The following FGF7 variants were observed in gnomAD, a reference collection of about 807,000 sequenced individuals.
The protein encoded by FGF7 is FGF-7.
FGF7 carries 6 observed loss-of-function variants against 20.5 expected under a neutral mutation model. The observed-to-expected ratio is 0.29, with a 90% CI of 0.16 to 0.58. The LOEUF is 0.58. Ranked by LOEUF, FGF7 falls within the 20% of genes least tolerant of loss-of-function variation. The pLI is 0.90. For missense variants in FGF7, 144 were observed against 228.8 expected, an observed-to-expected ratio of 0.63 and a Z score of 2.39; for synonymous variants, 64 against 74.7, an observed-to-expected ratio of 0.86 and a Z score of 0.74.
intron 2 of FGF7, among the ~76,000 whole-genome samples, chr15:49,481,113 A>G (rs2055903363): frequency 6.6e-6 from 1 of 152,236 alleles, no homozygotes. Context: ...AGAGACTTGA[A>G]GGAAAAGAAA....
intron 2 of FGF7, among the ~76,000 whole-genome samples, chr15:49,446,587 G>A: frequency 6.6e-6 from 1 of 151,002 alleles, no homozygotes; most frequent in Admixed American, 6.6e-5. Flanking sequence ...TTTCATAGAG[G>A]GTAAAGAGCT....
At chr15:49,480,867 T>A (rs2055882414) in intron 2 of FGF7, among the ~76,000 whole-genome samples, 1 of 152,164 alleles carries the variant, frequency 6.6e-6, no homozygotes, top group Non-Finnish European at 1.5e-5. Flanking sequence ...AGGGGCAATA[T>A]GAACTTATTG....
intron 2 of FGF7, among the ~76,000 whole-genome samples, chr15:49,478,419 G>A (rs4436732): frequency 0.25 from 37,853 of 150,990 alleles, 5,682 homozygotes; most frequent in Non-Finnish European, 0.35. Context: ...TGTATATGTC[G>A]GTGTATTTTA....
intron 2 of FGF7, among the ~76,000 whole-genome samples, chr15:49,457,065 C>T (rs146704063): frequency 5.3e-5 from 8 of 152,166 alleles, no homozygotes; most frequent in Non-Finnish European, 1.2e-4. Context: ...TTTACTACTA[C>T]ACCACCATGC....
intron 2 of FGF7, among the ~76,000 whole-genome samples, chr15:49,457,034 T>C (rs2053362770): frequency 1.3e-5 from 2 of 152,098 alleles, no homozygotes; most frequent in African/African-American, 4.8e-5. Context: ...TTTAAAGCCA[T>C]GTCTCAAAGC....
intron 2 of FGF7, among the ~76,000 whole-genome samples, chr15:49,468,642 CT>C (rs1274543244): frequency 6.6e-6 from 1 of 152,190 alleles, no homozygotes; most frequent in East Asian, 1.9e-4. Context: ...CTGGAGGTCA[CT>C]ACCTCCACAG....
At chr15:49,436,460 CATTCTT>C (rs2051114942) in intron 2 of FGF7, among the ~76,000 whole-genome samples, 1 of 151,516 alleles carries the variant, frequency 6.6e-6, no homozygotes, top group Admixed American at 6.6e-5. Context: ...AAAAATGAGA[CATTCTT>C]AAGTAAATTT....
chr15:49,436,951 A>G (rs1042531503), intron 2 of FGF7, among the ~76,000 whole-genome samples: 1 of 151,622 alleles, frequency 6.6e-6, no homozygotes, highest in African/African-American at 2.4e-5. Context: ...ACTTACTCCA[A>G]GTTTCCTTGT....
In FGF7 at chr15:49,486,203, G is replaced by C. The variant is rs1190138952; in HGVS notation, c.*1699G>C. The C allele has an allele frequency of 6.6e-6, 1 of 152,008 alleles. No homozygotes were observed. Among genetic ancestry groups the C allele is most frequent in the Non-Finnish European group, 1.5e-5 (1 of 67,930 alleles). 9.4% of individuals were successfully genotyped at this position (152,008 alleles called of 1,614,324 possible). ...TATTTGGTAATACATTTATAGATGA[G>C]AGTTATATGAAAAGGCTAGGTCAAC... On this transcript the variant is annotated 3_prime_UTR_variant, in exon 4 of 4. Transcript: ENST00000267843.
chr15:49,452,266 T>A (rs1411964772), intron 2 of FGF7, among the ~76,000 whole-genome samples: 1 of 152,156 alleles, frequency 6.6e-6, no homozygotes, highest in Non-Finnish European at 1.5e-5. Context: ...TTGGCCAGGA[T>A]GGTCTCGAAC....
intron 2 of FGF7, among the ~76,000 whole-genome samples, chr15:49,466,712 G>A (rs1277319271): frequency 6.6e-6 from 1 of 152,180 alleles, no homozygotes; most frequent in African/African-American, 2.4e-5. Context: ...GGAAACAGAA[G>A]AGAACGGCTG....
intron 2 of FGF7, among the ~76,000 whole-genome samples, chr15:49,444,874 CCT>C (rs1242995367): frequency 1.3e-5 from 2 of 151,528 alleles, no homozygotes; most frequent in African/African-American, 4.8e-5. Context: ...TAAAGTTTAG[CCT>C]CTCTTTTTTT....
rs2049957319 is a variant in FGF7 at position 49,424,488 on chromosome 15, T to C, written c.191T>C (p.Ile64Thr). The stretch of plus-strand genomic sequence containing the variant: ...TATGATTACATGGAAGGAGGGGATA[T>C]AAGAGTGAGAAGACTCTTCTGTCGA... ...RSYDYMEGGDIRVRRLFCRTQ... is the reference protein window; with the variant it reads ...RSYDYMEGGDTRVRRLFCRTQ... Residue 64 changes from isoleucine (I) to threonine (T), a missense_variant, in exon 2 of 4, where the codon ATA becomes ACA. By Grantham distance (89) the Ile-to-Thr change is moderately conservative. Transcript: ENST00000267843. The C allele has an allele frequency of 1.9e-6, 3 of 1,613,412 alleles. No individual in the cohort carries two copies. Among genetic ancestry groups the C allele is most frequent in the Non-Finnish European group, 2.5e-6 (3 of 1,179,572 alleles).
chr15:49,438,018 AGGG>A (rs2051272217), intron 2 of FGF7, among the ~76,000 whole-genome samples: 1 of 151,662 alleles, frequency 6.6e-6, no homozygotes, highest in Non-Finnish European at 1.5e-5. Flanking sequence ...GTCAGAAGAA[AGGG>A]TATCTCTTCC....
intron 2 of FGF7, among the ~76,000 whole-genome samples, chr15:49,482,433 G>A (rs1415758441): frequency 6.6e-6 from 1 of 151,962 alleles, no homozygotes; most frequent in African/African-American, 2.4e-5. Flanking sequence ...GTTTTAAATG[G>A]TCTTTTAATG....
chr15:49,441,407 A>G (rs893110163), intron 2 of FGF7, among the ~76,000 whole-genome samples: 4 of 151,806 alleles, frequency 2.6e-5, no homozygotes, highest in African/African-American at 9.7e-5. Flanking sequence ...ATATCAACAC[A>G]AGATGAAGTA....
intron 2 of FGF7, among the ~76,000 whole-genome samples, chr15:49,468,052 A>T (rs141831774): frequency 1.3e-5 from 2 of 152,314 alleles, no homozygotes; most frequent in African/African-American, 2.4e-5. Flanking sequence ...TTCTTTCAAA[A>T]GAAAGTATTG....
chr15:49,450,263 T>C (rs1352024523), intron 2 of FGF7, among the ~76,000 whole-genome samples: 1 of 152,142 alleles, frequency 6.6e-6, no homozygotes, highest in East Asian at 1.9e-4. Context: ...ATTTCCCTCC[T>C]CATCATCTTT....
chr15:49,445,123 T>C (rs932443838), intron 2 of FGF7, among the ~76,000 whole-genome samples: 1 of 151,632 alleles, frequency 6.6e-6, no homozygotes, highest in African/African-American at 2.4e-5. Flanking sequence ...TTGGTGTTTT[T>C]TCAACTTTTA....
Sources: allele counts gnomAD v4.1 joint callset (sites outside exome capture counted in the v4.1 genomes callset), GRCh38; gene constraint gnomAD v4.1.1; transcripts MANE v1.5; gene names NCBI Gene and HGNC (gene_info 2026-07-23, HGNC 2026-07-21).